SDK1: variants seen among roughly 807,000 people sequenced by gnomAD.
SDK1 encodes the protein protein sidekick-1.
A neutral mutation model predicts 245.5 loss-of-function variants in SDK1; 157 were observed. The ratio of observed to expected loss-of-function variants is 0.64; its 90% CI spans 0.56 to 0.73. SDK1 has a LOEUF of 0.73. Among genes scored for constraint, SDK1 ranks in the 30% least tolerant of loss-of-function variants. The probability of loss-of-function intolerance (pLI) is 0.00; values close to 1 mark genes in which losing one functional copy is unlikely to be tolerated. For missense variants in SDK1, 3,583 were observed against 3,002.3 expected (o/e 1.19, Z -4.52); for synonymous variants, 1,647 against 1,278.5 (o/e 1.29, Z -6.15).
chr7:3,617,626 C>G lies in SDK1; in HGVS notation c.299-1454C>G, dbSNP rs76302334. On this transcript the variant is annotated intron_variant, in intron 1 of 44. Coordinates refer to ENST00000404826, the MANE Select transcript of SDK1 (RefSeq NM_152744.4). ...ACATGGCAGTTCATCTGGGGAGGCCCTTTGTGCTATATCATCCTGTCATGG... is the reference window on the plus strand; with the variant it reads ...ACATGGCAGTTCATCTGGGGAGGCCGTTTGTGCTATATCATCCTGTCATGG... 3.4e-3 allele frequency among the ~76,000 whole-genome samples: 522 copies of G among 152,304 alleles called. 5 individuals carry two copies. The highest frequency in any genetic ancestry group is 0.011 in the African/African-American group (474 of 41,574).
At chr7:3,952,144 T>C (rs557123827) in intron 7 of SDK1, 11 of 545,560 alleles carry the variant, frequency 2.0e-5, no homozygotes, top group Admixed American at 1.8e-4. Context: ...AGAAACGTCC[T>C]TCTGAATACT....
chr7:3,441,113 G>C (rs768527511), intron 1 of SDK1, among the ~76,000 whole-genome samples: 20 of 152,132 alleles, frequency 1.3e-4, no homozygotes, highest in Non-Finnish European at 2.4e-4. Flanking sequence ...AGAAAGGTGA[G>C]TATAGTACAG....
chr7:3,407,920 C>G (rs1005602557), intron 1 of SDK1, among the ~76,000 whole-genome samples: 1 of 152,138 alleles, frequency 6.6e-6, no homozygotes, highest in Non-Finnish European at 1.5e-5. Context: ...GCCCTGCTCT[C>G]AGCAAACACA....
At chr7:4,247,690 G>T (rs750371895) in intron 44 of SDK1, among the ~76,000 whole-genome samples, 1 of 152,192 alleles carries the variant, frequency 6.6e-6, no homozygotes, top group Non-Finnish European at 1.5e-5. Flanking sequence ...CTGAGCGCTC[G>T]CTGCTGTGTG....
Position 4,136,539 on chromosome 7 carries a change from C to G in SDK1, c.4228+4116C>G, listed in dbSNP as rs147214372. ...CAGCAGGCACCTAGAGGAGAAAACA[C>G]TTGCTTATTTGCGTAAATATTTTAC... On this transcript the variant is annotated intron_variant, in intron 28 of 44. Transcript: ENST00000404826. Among the ~76,000 whole-genome samples the G allele has an allele frequency of 6.6e-3, 1,004 of 152,350 alleles. 20 individuals are homozygous for G. Among genetic ancestry groups the G allele is most frequent in the African/African-American group, 0.023 (947 of 41,572 alleles).
chr7:3,508,941 A>G (rs17133501), intron 1 of SDK1, among the ~76,000 whole-genome samples: 44,265 of 151,966 alleles, frequency 0.29, 6,817 homozygotes, highest in African/African-American at 0.35. Context: ...TTCTGCTCTT[A>G]AAGGATAAAC....
chr7:4,175,846 C>G lies in SDK1; in HGVS notation c.4996+12C>G, dbSNP rs1562391199. On this transcript the variant is annotated intron_variant, in intron 34 of 44. Coordinates refer to ENST00000404826, the MANE Select transcript of SDK1 (RefSeq NM_152744.4). Reference sequence around the variant, plus strand: ...GTGTGAACTAACACGTAAGTGCGCTCTCAGCGGGAGGCCCATGCCGCGAGG... The same window carrying G: ...GTGTGAACTAACACGTAAGTGCGCTGTCAGCGGGAGGCCCATGCCGCGAGG... The G allele has an allele frequency of 1.2e-6, 2 of 1,611,136 alleles. No homozygotes were observed. The highest frequency in any genetic ancestry group is 1.7e-6 in the Non-Finnish European group (2 of 1,178,692).
At chr7:3,661,850 G>C (rs746181983) in intron 4 of SDK1, among the ~76,000 whole-genome samples, 1 of 152,096 alleles carries the variant, frequency 6.6e-6, no homozygotes, top group Non-Finnish European at 1.5e-5. Context: ...GTTGTGTAAA[G>C]CTGGTGTAGT....
At position 3,708,329 on chromosome 7, in the gene SDK1, C is replaced by G. The variant is rs537395524; in HGVS notation, c.713+66224C>G. Among the ~76,000 whole-genome samples the G allele has an allele frequency of 2.6e-3, 364 of 139,662 alleles. 2 individuals carry two copies. The highest frequency in any genetic ancestry group is 9.4e-3 in the African/African-American group (349 of 37,142). 91.6% of individuals were successfully genotyped at this position (139,662 alleles called of 152,430 possible). ...CCATACCTCCAAGGTCCAGTTACCT[C>G]CCACCAGGCCCTCCATACCTCCAAG... On this transcript the variant is annotated intron_variant, in intron 4 of 44. Coordinates refer to ENST00000404826, the MANE Select transcript of SDK1 (RefSeq NM_152744.4).
At chr7:3,486,381 C>G (rs1306834264) in intron 1 of SDK1, among the ~76,000 whole-genome samples, 1 of 151,908 alleles carries the variant, frequency 6.6e-6, no homozygotes, top group Non-Finnish European at 1.5e-5. Context: ...TTCAAATGTG[C>G]TGGTATTTTT....
At chr7:3,473,069 T>G (rs1781233518) in intron 1 of SDK1, among the ~76,000 whole-genome samples, 2 of 152,208 alleles carry the variant, frequency 1.3e-5, no homozygotes, top group African/African-American at 2.4e-5. Flanking sequence ...GCATGGCTTC[T>G]TACGATTTTG....
chr7:3,754,186 C>G (rs1191537715), intron 4 of SDK1, among the ~76,000 whole-genome samples: 10 of 152,176 alleles, frequency 6.6e-5, no homozygotes, highest in Admixed American at 5.9e-4. Context: ...CTGAGAGATT[C>G]ATATTACATT....
chr7:3,980,441 T>G (rs529421498), intron 13 of SDK1, among the ~76,000 whole-genome samples: 1 of 152,204 alleles, frequency 6.6e-6, no homozygotes, highest in Non-Finnish European at 1.5e-5. Context: ...TTTATCAGCC[T>G]CTGTGCTTAT....
At chr7:3,563,960 A>T (rs1178342701) in intron 1 of SDK1, among the ~76,000 whole-genome samples, 4 of 152,072 alleles carry the variant, frequency 2.6e-5, no homozygotes, top group African/African-American at 9.7e-5. Context: ...ATAGCTATTG[A>T]ATTAAAAAAA....
intron 4 of SDK1, among the ~76,000 whole-genome samples, chr7:3,644,366 G>A (rs963778022): frequency 6.6e-6 from 1 of 151,238 alleles, no homozygotes; most frequent in African/African-American, 2.4e-5. Flanking sequence ...AGTTACTTAG[G>A]TATCCACCTT....
chr7:3,662,041 A>ATTTTTTTTTTTTTTTT (rs572659449), intron 4 of SDK1, among the ~76,000 whole-genome samples: 1 of 125,776 alleles, frequency 8.0e-6, no homozygotes, highest in Non-Finnish European at 1.6e-5. Context: ...CAACGGTTGT[A>ATTTTTTTTTTTTTTTT]TTTTTTTTTT....
chr7:3,412,545 C>T (rs1779239968), intron 1 of SDK1, among the ~76,000 whole-genome samples: 1 of 152,166 alleles, frequency 6.6e-6, no homozygotes, highest in Non-Finnish European at 1.5e-5. Context: ...ACATTATAAC[C>T]TTTTGCTCTT....
At chr7:3,596,604 C>G (rs1781076166) in intron 1 of SDK1, among the ~76,000 whole-genome samples, 1 of 152,164 alleles carries the variant, frequency 6.6e-6, no homozygotes, top group Admixed American at 6.5e-5. Context: ...TCAGGCCCTT[C>G]CAATTAATCT....
chr7:4,065,691 G>GT (rs1562755417), intron 19 of SDK1, among the ~76,000 whole-genome samples: 10 of 29,478 alleles, frequency 3.4e-4, no homozygotes, highest in African/African-American at 6.9e-4. Context: ...ATGAGTGGTT[G>GT]TTGTTTTTTT....
Sources: gnomAD v4.1 joint callset for allele counts (sites outside exome capture counted in the v4.1 genomes callset) on GRCh38, gnomAD v4.1.1 for gene constraint, MANE v1.5 for transcripts, NCBI Gene and HGNC (gene_info 2026-07-23, HGNC 2026-07-21) for gene names.